Variants in DNAJC5B observed in about 807,000 individuals in gnomAD.
DNAJC5B encodes the protein DnaJ heat shock protein family (Hsp40) member C5 beta.
Under a neutral mutation model 24.7 loss-of-function variants are expected in DNAJC5B, and 23 were observed. The ratio of observed to expected loss-of-function variants is 0.93; its 90% CI spans 0.67 to 1.32. The LOEUF is 1.32. Among genes scored for constraint, DNAJC5B ranks in the 40% most tolerant of loss-of-function variants. DNAJC5B has a pLI of 0.00. For synonymous variants in DNAJC5B, 101 were observed against 90.1 expected, an observed-to-expected ratio of 1.12 and a Z score of -0.68; for missense variants, 238 against 240.8, an observed-to-expected ratio of 0.99 and a Z score of 0.08.
intron 5 of DNAJC5B, among the ~76,000 whole-genome samples, chr8:66,094,291 T>A (rs1807905726): frequency 6.6e-6 from 1 of 152,108 alleles, no homozygotes; most frequent in African/African-American, 2.4e-5. Flanking sequence ...CCTTTAAGAA[T>A]CTGAGTCTTT....
intron 3 of DNAJC5B, among the ~76,000 whole-genome samples, chr8:66,052,477 C>A (rs1806872831): frequency 6.6e-6 from 1 of 152,044 alleles, no homozygotes; most frequent in Non-Finnish European, 1.5e-5. Context: ...GGGAGAAATG[C>A]CATTACTACA....
intron 1 of DNAJC5B, among the ~76,000 whole-genome samples, chr8:66,022,779 A>T (rs2128955199): frequency 6.6e-6 from 1 of 152,360 alleles, no homozygotes; most frequent in South Asian, 2.1e-4. Flanking sequence ...ACTTGCACAT[A>T]AACTTCATAG....
At chr8:66,049,135 T>A (rs998294251) in intron 2 of DNAJC5B, among the ~76,000 whole-genome samples, 2 of 152,230 alleles carry the variant, frequency 1.3e-5, no homozygotes, top group Non-Finnish European at 2.9e-5. Flanking sequence ...AACATTTTGG[T>A]CAATGTCAGA....
intron 5 of DNAJC5B, among the ~76,000 whole-genome samples, chr8:66,084,672 C>T (rs1474888212): frequency 6.6e-6 from 1 of 152,148 alleles, no homozygotes; most frequent in African/African-American, 2.4e-5. Context: ...CATAACTCTA[C>T]AGTCCACCCT....
At chr8:66,049,275 A>T (rs1479963557) in intron 2 of DNAJC5B, among the ~76,000 whole-genome samples, 1 of 152,190 alleles carries the variant, frequency 6.6e-6, no homozygotes, top group Non-Finnish European at 1.5e-5. Flanking sequence ...GTGTAAACAA[A>T]CCTACTGCAT....
At chr8:66,057,088 G>C (rs1441050923) in intron 3 of DNAJC5B, 1 of 152,184 alleles carries the variant, frequency 6.6e-6, no homozygotes, top group Non-Finnish European at 1.5e-5. Context: ...GCAGTGAGCC[G>C]AGATCGCGCC....
At chr8:66,054,709 C>G (rs1806925626) in intron 3 of DNAJC5B, among the ~76,000 whole-genome samples, 1 of 152,170 alleles carries the variant, frequency 6.6e-6, no homozygotes. Flanking sequence ...TATCAATCTT[C>G]TAGTTTATAT....
chr8:66,090,314 C>A (rs1205496596), intron 5 of DNAJC5B, among the ~76,000 whole-genome samples: 1 of 150,652 alleles, frequency 6.6e-6, no homozygotes, highest in African/African-American at 2.4e-5. Context: ...GGTATGGAAG[C>A]AAGAGCCCAA....
At chr8:66,078,450 G>C (rs1260783619) in intron 4 of DNAJC5B, among the ~76,000 whole-genome samples, 1 of 152,090 alleles carries the variant, frequency 6.6e-6, no homozygotes, top group Non-Finnish European at 1.5e-5. Flanking sequence ...GCCTAGTACT[G>C]TACTAAGCAC....
intron 2 of DNAJC5B, among the ~76,000 whole-genome samples, chr8:66,046,362 G>A (rs55876952): frequency 2.0e-5 from 3 of 152,046 alleles, no homozygotes; most frequent in Admixed American, 6.5e-5. Flanking sequence ...GCCCCTCACC[G>A]TGGACAGAGC....
In DNAJC5B at chr8:66,051,536, C is replaced by T. The variant is rs1806843716; in HGVS notation, c.-12C>T. 1 of 1,598,868 alleles carries T rather than the reference C, an allele frequency of 6.3e-7. No homozygotes were observed. ...GGCTATTTTCTCCCCTTTAGTTTTG[C>T]AGCCTTAGAAAATGGCATGTAACAT... On this transcript the variant is annotated 5_prime_UTR_variant, in exon 3 of 6. Coordinates refer to ENST00000276570, the MANE Select transcript of DNAJC5B (RefSeq NM_033105.6).
chr8:66,073,465 G>GTCAA (rs1807394432), intron 3 of DNAJC5B, among the ~76,000 whole-genome samples: 1 of 150,974 alleles, frequency 6.6e-6, no homozygotes, highest in African/African-American at 2.5e-5. Context: ...TCAATAGGTT[G>GTCAA]TGTGAATGTG....
chr8:66,033,448 C>T (rs1806404198), intron 1 of DNAJC5B, among the ~76,000 whole-genome samples: 1 of 152,184 alleles, frequency 6.6e-6, no homozygotes, highest in African/African-American at 2.4e-5. Flanking sequence ...GGCTTTGGCT[C>T]ATATTATGTG....
At chr8:66,064,571 C>T (rs1807149596) in intron 3 of DNAJC5B, among the ~76,000 whole-genome samples, 1 of 152,194 alleles carries the variant, frequency 6.6e-6, no homozygotes, top group South Asian at 2.1e-4. Flanking sequence ...AGAAAAACCA[C>T]AAATGTAAAT....
chr8:66,035,272 A>C (rs1032285320), intron 1 of DNAJC5B, among the ~76,000 whole-genome samples: 1 of 152,228 alleles, frequency 6.6e-6, no homozygotes, highest in African/African-American at 2.4e-5. Context: ...AATCTGCCCA[A>C]CTTTACAATC....
At chr8:66,033,521 T>G (rs1312116921) in intron 1 of DNAJC5B, among the ~76,000 whole-genome samples, 5 of 152,160 alleles carry the variant, frequency 3.3e-5, no homozygotes, top group African/African-American at 1.2e-4. Context: ...CGGATTCTTC[T>G]CCATGACATC....
chr8:66,100,082 T>A lies in DNAJC5B; in HGVS notation c.*51T>A. 6.5e-7 allele frequency: 1 copy of A among 1,539,454 alleles called. No homozygotes were observed. The highest frequency in any genetic ancestry group is 1.1e-5 in the South Asian group (1 of 87,462). On this transcript the variant is annotated 3_prime_UTR_variant, in exon 6 of 6. Coordinates refer to ENST00000276570, the MANE Select transcript of DNAJC5B (RefSeq NM_033105.6). ...TCCCTCCTCTCAGTTCAGTCTTGTC[T>A]CCAGATGGTCGTAGGGGAGCGTGTG...
chr8:66,015,220 G>T, the DNAJC5B span, among the ~76,000 whole-genome samples: 5 of 131,454 alleles, frequency 3.8e-5, no homozygotes, highest in African/African-American at 1.9e-4. Flanking sequence ...CAAGGACATG[G>T]GTAGTCTGTC....
intron 4 of DNAJC5B, among the ~76,000 whole-genome samples, chr8:66,078,374 C>G (rs1379644360): frequency 6.6e-6 from 1 of 152,090 alleles, no homozygotes; most frequent in Non-Finnish European, 1.5e-5. Context: ...GATAAATATG[C>G]ACTACATGAA....
Sources: gnomAD v4.1 joint callset for allele counts (sites outside exome capture counted in the v4.1 genomes callset) on GRCh38, gnomAD v4.1.1 for gene constraint, MANE v1.5 for transcripts, NCBI Gene and HGNC (gene_info 2026-07-23, HGNC 2026-07-21) for gene names.